The following MCF2L2 variants were observed in gnomAD, a reference collection of about 807,000 sequenced individuals.
MCF2L2 encodes probable guanine nucleotide exchange factor MCF2L2.
Under a neutral mutation model 150.2 loss-of-function variants are expected in MCF2L2, and 102 were observed. The ratio of observed to expected loss-of-function variants is 0.68; its 90% CI spans 0.58 to 0.80. The LOEUF is 0.80. Among genes scored for constraint, MCF2L2 ranks in the 30% least tolerant of loss-of-function variants. MCF2L2 has a pLI of 0.00. For synonymous variants in MCF2L2, 465 were observed against 491.3 expected (o/e 0.95, Z 0.71); for missense variants, 1,256 against 1,372.8 (o/e 0.91, Z 1.34).
chr3:183,270,220 A>C lies in MCF2L2; in HGVS notation c.1862+6652T>G. On this transcript the variant is annotated intron_variant, in intron 15 of 29. Coordinates refer to ENST00000328913, the MANE Select transcript of MCF2L2 (RefSeq NM_015078.4). This position sits in a 1 kb window ranked among gnomAD's most constrained non-coding sequence, Gnocchi z 4.5. The stretch of plus-strand genomic sequence containing the variant: ...ACTCCTAATCCACTGGAGGGAGAAG[A>C]ACTACAAAGAAAACTGGCTTGGGAA... 1 of 1,614,216 alleles carries C rather than the reference A, an allele frequency of 6.2e-7. No homozygotes were observed. Among genetic ancestry groups the C allele is most frequent in the Non-Finnish European group, 8.5e-7 (1 of 1,180,020 alleles).
intron 3 of MCF2L2, among the ~76,000 whole-genome samples, chr3:183,361,712 G>C (rs1258892955): frequency 1.3e-5 from 2 of 151,906 alleles, no homozygotes; most frequent in East Asian, 1.9e-4. Context: ...GACAAGTACA[G>C]TTACTCTGAA....
chr3:183,198,492 A>G lies in MCF2L2; in HGVS notation c.2885-3237T>C, dbSNP rs553532026. On this transcript the variant is annotated intron_variant, in intron 25 of 29. Transcript: ENST00000328913. ...GAACAAACCTTTGGCGGTGATAGGCATGTTCATTATCCTTACTGTGGTGAT... is the reference window on the plus strand; with the variant it reads ...GAACAAACCTTTGGCGGTGATAGGCGTGTTCATTATCCTTACTGTGGTGAT... Among the ~76,000 whole-genome samples, 3 of 152,330 alleles carry G rather than the reference A, an allele frequency of 2.0e-5. No individual in the cohort carries two copies. The South Asian group carries it at 6.2e-4, about 32-fold the overall frequency.
chr3:183,363,829 C>T (rs567405076), intron 3 of MCF2L2, among the ~76,000 whole-genome samples: 5 of 152,218 alleles, frequency 3.3e-5, no homozygotes, highest in South Asian at 2.1e-4. Flanking sequence ...AAGACCTACA[C>T]GACATAATCA....
chr3:183,191,851 A>AT (rs970284111), intron 27 of MCF2L2, among the ~76,000 whole-genome samples: 25 of 151,222 alleles, frequency 1.7e-4, no homozygotes, highest in African/African-American at 5.6e-4. Context: ...TATTTTATTT[A>AT]TTTTTTTGAG....
intron 3 of MCF2L2, chr3:183,374,639 G>A (rs1307788383): frequency 3.4e-5 from 5 of 147,814 alleles, no homozygotes; most frequent in Admixed American, 2.7e-4. Context: ...CCGCACTCCA[G>A]TCTGGGCGAC....
At chr3:183,194,538 T>A (rs988372947) in intron 26 of MCF2L2, among the ~76,000 whole-genome samples, 9 of 152,018 alleles carry the variant, frequency 5.9e-5, no homozygotes, top group African/African-American at 2.2e-4. Context: ...CTCAGTAAAG[T>A]AGGAGGCAGG....
At chr3:183,263,655 C>G (rs1447241543) in intron 15 of MCF2L2, among the ~76,000 whole-genome samples, 1 of 152,158 alleles carries the variant, frequency 6.6e-6, no homozygotes, top group African/African-American at 2.4e-5. Flanking sequence ...CTGGATCTCT[C>G]CAGTCCTGTC....
intron 3 of MCF2L2, among the ~76,000 whole-genome samples, chr3:183,370,391 C>T (rs1712800671): frequency 6.6e-6 from 1 of 152,278 alleles, no homozygotes; most frequent in Admixed American, 6.5e-5. Context: ...CCCAGGGTCT[C>T]TGGCTTGCCA....
intron 3 of MCF2L2, among the ~76,000 whole-genome samples, chr3:183,363,967 G>A (rs1242705669): frequency 6.6e-6 from 1 of 152,106 alleles, no homozygotes; most frequent in Non-Finnish European, 1.5e-5. Flanking sequence ...GAAAATGCTT[G>A]AAAATTTTAA....
intron 25 of MCF2L2, among the ~76,000 whole-genome samples, chr3:183,200,141 A>G (rs1456985282): frequency 6.6e-6 from 1 of 152,244 alleles, no homozygotes; most frequent in Non-Finnish European, 1.5e-5. Flanking sequence ...GTATATACCC[A>G]GTAATGGGAT....
intron 26 of MCF2L2, among the ~76,000 whole-genome samples, chr3:183,193,422 C>G (rs1044625395): frequency 6.7e-6 from 1 of 148,310 alleles, no homozygotes; most frequent in African/African-American, 2.5e-5. Flanking sequence ...GCAATCTTGG[C>G]TCACTGCAAG....
Position 183,201,321 on chromosome 3 carries a change from C to T in MCF2L2, c.2884+4555G>A, listed in dbSNP as rs865955640. On this transcript the variant is annotated intron_variant, in intron 25 of 29. Coordinates refer to ENST00000328913, the MANE Select transcript of MCF2L2 (RefSeq NM_015078.4). ...TTTTGTTGAGCAGTGGTTTGTAGTT[C>T]TCCTTGAAGAGGTCCTTCACATCCC... 2.0e-5 allele frequency among the ~76,000 whole-genome samples: 3 copies of T among 152,130 alleles called. 1 individual carries two copies. The highest frequency in any genetic ancestry group is 2.9e-5 in the Non-Finnish European group (2 of 68,028).
intron 4 of MCF2L2, among the ~76,000 whole-genome samples, chr3:183,339,415 A>G (rs1730614289): frequency 6.6e-6 from 1 of 152,124 alleles, no homozygotes; most frequent in Non-Finnish European, 1.5e-5. Context: ...ATTATTTTTT[A>G]CGGGTGTACA....
intron 22 of MCF2L2, among the ~76,000 whole-genome samples, chr3:183,212,465 G>A (rs1722766847): frequency 1.3e-5 from 2 of 152,184 alleles, no homozygotes; most frequent in Non-Finnish European, 2.9e-5. Flanking sequence ...TGTACAAGAA[G>A]TGATAGCAAA....
intron 5 of MCF2L2, among the ~76,000 whole-genome samples, chr3:183,337,552 CA>C (rs61184812): frequency 8.7e-3 from 623 of 71,942 alleles, no homozygotes; most frequent in Non-Finnish European, 0.013. Context: ...GACTCCATCT[CA>C]AAAAAAAAAA....
intron 9 of MCF2L2, chr3:183,310,523 G>C: frequency 3.7e-6 from 1 of 270,882 alleles, no homozygotes; most frequent in Non-Finnish European, 7.3e-6. Context: ...TACCGGGTGT[G>C]ATGGTGGGGC....
In MCF2L2 at chr3:183,179,461, C is replaced by T. The variant is rs753753069; in HGVS notation, c.3264G>A (p.Thr1088=). Residue 1088 remains threonine (T), a synonymous_variant, in exon 30 of 30, where the codon ACG becomes ACA. Coordinates refer to ENST00000328913, the MANE Select transcript of MCF2L2 (RefSeq NM_015078.4). This position sits in a 1 kb window ranked among gnomAD's most constrained non-coding sequence, Gnocchi z 4.2. The stretch of plus-strand genomic sequence containing the variant: ...TCGCCCCCGCAGGAGCCAGCCGGCC[C>T]GTGGACGCCCCAGCGCGCTCCTCCT... ...STEEERAGAS[T]GRLAPAGATA... 2.5e-6 allele frequency: 4 copies of T among 1,597,060 alleles called. No homozygotes were observed. In the African/African-American group the frequency reaches 5.4e-5, roughly 21 times the overall value.
intron 5 of MCF2L2, among the ~76,000 whole-genome samples, chr3:183,331,771 C>T (rs1187971933): frequency 2.0e-5 from 3 of 152,200 alleles, no homozygotes; most frequent in African/African-American, 7.2e-5. Flanking sequence ...GCAGGAGGAT[C>T]ACTTGAGCCC....
chr3:183,345,941 C>CA (rs1001996212), intron 3 of MCF2L2, among the ~76,000 whole-genome samples: 3 of 151,904 alleles, frequency 2.0e-5, no homozygotes, highest in African/African-American at 7.3e-5. Flanking sequence ...GCCTACCAAC[C>CA]AAAAAAAGCC....
Sources: gnomAD v4.1 joint callset for allele counts (sites outside exome capture counted in the v4.1 genomes callset) on GRCh38, gnomAD v4.1.1 for gene constraint, Gnocchi (gnomAD v3.1) non-coding constraint, MANE v1.5 for transcripts, NCBI Gene and HGNC (gene_info 2026-07-23, HGNC 2026-07-21) for gene names.